ADAM15: variants seen among roughly 807,000 people sequenced by gnomAD.
ADAM15 encodes ADAM metallopeptidase domain 15, also known as disintegrin and metalloproteinase domain-containing protein 15.
ADAM15 carries 77 observed loss-of-function variants against 113.8 expected under a neutral mutation model. That is an observed-to-expected ratio of 0.68 (90% CI 0.56 to 0.82). ADAM15 has a LOEUF of 0.82. Among genes scored for constraint, ADAM15 ranks in the 40% least tolerant of loss-of-function variants. The probability of loss-of-function intolerance (pLI) is 0.00; values close to 1 mark genes in which losing one functional copy is unlikely to be tolerated. For synonymous variants in ADAM15, 388 were observed against 454.1 expected, an observed-to-expected ratio of 0.85 and a Z score of 1.85; for missense variants, 963 against 1,120.1, an observed-to-expected ratio of 0.86 and a Z score of 2.00.
chr1:155,060,074 G>A, intron 17 of ADAM15, 100 bp downstream of exon 17: 2 of 1,572,224 alleles, frequency 1.3e-6, no homozygotes, highest in East Asian at 2.2e-5. Flanking sequence ...CTTTGCTGCT[G>A]GTTCCCTGAG....
chr1:155,061,809 C>G (rs1662662947), intron 20 of ADAM15, 95 bp from the exon 21 acceptor site: 2 of 1,332,066 alleles, frequency 1.5e-6, no homozygotes, highest in African/African-American at 1.5e-5. Flanking sequence ...CCCTGGCTGA[C>G]TTTGCATGTT....
At position 155,057,563 on chromosome 1, in the gene ADAM15, G is replaced by A. The variant is rs984605164; in HGVS notation, c.1324-74G>A. 9.6e-6 allele frequency: 15 copies of A among 1,569,084 alleles called. No individual in the cohort carries two copies. Among genetic ancestry groups the A allele is most frequent in the Non-Finnish European group, 1.3e-5 (15 of 1,141,180 alleles). On this transcript the variant is annotated intron_variant, in intron 12 of 22. Transcript: ENST00000356955. The surrounding 1 kb of genome is among the most constrained non-coding windows in gnomAD (Gnocchi z 5.0). ...TGTAGCTTCTGGTCTTGGCCTGTGG[G>A]AGGAGGAGAGATTGGAGGGAGGCTC...
At chr1:155,052,871 T>C in intron 2 of ADAM15, 94 bp downstream of exon 2, 3 of 1,482,538 alleles carry the variant, frequency 2.0e-6, no homozygotes, top group Non-Finnish European at 2.7e-6. Flanking sequence ...GAGGAGCTGG[T>C]GGGTAGAGCT....
intron 2 of ADAM15, 114 bp from the exon 3 acceptor site, chr1:155,053,303 C>T: frequency 1.1e-6 from 1 of 951,044 alleles, no homozygotes; most frequent in Non-Finnish European, 1.7e-6. Flanking sequence ...CCTGGGATCC[C>T]CCCACCAGTG....
intron 18 of ADAM15, 75 bp from the exon 19 acceptor site, chr1:155,060,688 A>G: frequency 6.7e-7 from 1 of 1,496,000 alleles, no homozygotes; most frequent in South Asian, 1.1e-5. Flanking sequence ...GGTTAACCCC[A>G]CTCAGGGATG....
intron 6 of ADAM15, 45 bp from the exon 7 acceptor site, chr1:155,055,745 C>T: frequency 6.2e-7 from 1 of 1,608,954 alleles, no homozygotes. Flanking sequence ...CAGCTGCTGG[C>T]TGCGAGCGGC....
intron 18 of ADAM15, 31 bp from the exon 19 acceptor site, chr1:155,060,732 C>T (rs750975732): frequency 6.2e-7 from 1 of 1,607,288 alleles, no homozygotes; most frequent in Non-Finnish European, 8.5e-7. Flanking sequence ...GAGGCTGGGC[C>T]CTCTCCCTTC....
chr1:155,052,524 C>A (rs1423269811), intron 1 of ADAM15, 147 bp from the exon 2 acceptor site: 1 of 1,546,236 alleles, frequency 6.5e-7, no homozygotes, highest in South Asian at 1.2e-5. Flanking sequence ...CAGTATTCTT[C>A]TTTAAGTCTC....
chr1:155,051,587 C>A (rs1661024464), intron 1 of ADAM15, 122 bp downstream of exon 1: 8 of 909,940 alleles, frequency 8.8e-6, no homozygotes, highest in Admixed American at 8.5e-5. Context: ...GAGCGCGGCC[C>A]GCCCTGGTCC....
chr1:155,055,617 G>T, intron 6 of ADAM15, 173 bp from the exon 7 acceptor site: 1 of 653,992 alleles, frequency 1.5e-6, no homozygotes, highest in South Asian at 1.8e-5. Flanking sequence ...CTACTTCCTG[G>T]TCCTCCTTGG....
chr1:155,060,259 T>G lies in ADAM15; in HGVS notation c.2123T>G (p.Leu708Arg), dbSNP rs756748532. ...CTCAGCCTCCTGGTCTTATTGGTCC[T>G]GGTGATGCTTGGTGCCAGCTACTGG... ...LLLSLLVLLV[L>R]VMLGASYWYR... is the part of the protein sequence containing the mutation. Residue 708 changes from leucine to arginine, a missense_variant, in exon 18 of 23, where the codon CTG becomes CGG. Leu to Arg is a moderately radical substitution (Grantham distance 102). Transcript: ENST00000356955. The G allele has an allele frequency of 6.2e-7, 1 of 1,614,102 alleles. No individual in the cohort carries two copies. The highest frequency in any genetic ancestry group is 2.2e-5 in the East Asian group (1 of 44,886).
intron 1 of ADAM15, 48 bp from the exon 2 acceptor site, chr1:155,052,623 T>C (rs764327047): frequency 6.4e-7 from 1 of 1,562,124 alleles, no homozygotes; most frequent in Non-Finnish European, 8.7e-7. Flanking sequence ...CCCCCAGCCC[T>C]GCTGTCGATT....
chr1:155,061,378 C>A (rs763383616), intron 19 of ADAM15, 37 bp from the exon 20 acceptor site: 17 of 1,582,602 alleles, frequency 1.1e-5, no homozygotes, highest in Non-Finnish European at 1.5e-5. Flanking sequence ...GCTTCCTCTT[C>A]CCCCTCTGTG....
rs375207839 is a variant in ADAM15, at chr1:155,058,768, G to A, written c.1976G>A (p.Ser659Asn). The A allele has an allele frequency of 5.8e-4, 928 of 1,609,156 alleles. 14 individuals carry two copies. In the South Asian group the frequency reaches 9.6e-3, roughly 17 times the overall value. Residue 659 changes from serine (S) to asparagine (N), a missense_variant, in exon 16 of 23, where the codon AGC (serine) becomes AAC (asparagine). By Grantham distance (46) the Ser-to-Asn change is conservative. Coordinates refer to ENST00000356955, the MANE Select transcript of ADAM15 (RefSeq NM_207197.3). The surrounding 1 kb of genome is among the most constrained non-coding windows in gnomAD (Gnocchi z 4.3). ...VDLLGAQECR[S>N]KCHGHGVCDS... Reference sequence around the variant, plus strand: ...CTCCTGGGGGCACAGGAATGTCGAAGCAAATGCCATGGACATGGGGTGAGC... The same window carrying A: ...CTCCTGGGGGCACAGGAATGTCGAAACAAATGCCATGGACATGGGGTGAGC...
rs1396093242 is a variant in ADAM15, at chr1:155,055,938, A to G, written c.682A>G (p.Lys228Glu). ...VIVADHSEAQ[K>E]YRDFQHLLNR... The stretch of plus-strand genomic sequence containing the variant: ...CACCTCTCTTGGCCTACAGGCCCAG[A>G]AATACCGGGACTTCCAGCACCTGCT... The change falls in exon 8 of 23, where the codon AAA becomes GAA. Residue 228 changes from lysine to glutamate, a missense_variant. Lys to Glu is a moderately conservative substitution (Grantham distance 56). Coordinates refer to ENST00000356955, the MANE Select transcript of ADAM15 (RefSeq NM_207197.3). 6.2e-7 allele frequency: 1 copy of G among 1,613,996 alleles called. No individual in the cohort carries two copies. Among genetic ancestry groups the G allele is most frequent in the Non-Finnish European group, 8.5e-7 (1 of 1,180,030 alleles).
At position 155,060,453 on chromosome 1, in the gene ADAM15, C is replaced by A. The variant is rs1662418671; in HGVS notation, c.2207+110C>A. On this transcript the variant is annotated intron_variant, in intron 18 of 22. Coordinates refer to ENST00000356955, the MANE Select transcript of ADAM15 (RefSeq NM_207197.3). The stretch of plus-strand genomic sequence containing the variant: ...GGTTCTGAGCCCCAGGCCCCTTGGA[C>A]CTTAAAGTTGCTGACTGCCATACCC... 5.4e-6 allele frequency: 8 copies of A among 1,481,492 alleles called. No homozygotes were observed. In the East Asian group the frequency reaches 1.8e-4, roughly 34 times the overall value. The allele number at this position is 1,481,492 out of a possible 1,614,324, so 91.8% of individuals were successfully genotyped here.
In ADAM15 at chr1:155,052,641, T is replaced by A. The variant is rs918403895; in HGVS notation, c.80-30T>A. 7 of 1,578,280 alleles carry A rather than the reference T, an allele frequency of 4.4e-6. No homozygotes were observed. The African/African-American group carries it at 9.4e-5, about 21-fold the overall frequency. On this transcript the variant is annotated intron_variant, in intron 1 of 22. Coordinates refer to ENST00000356955, the MANE Select transcript of ADAM15 (RefSeq NM_207197.3). ...CCAGCCCTGCTGTCGATTCCCTCAG[T>A]ACTGTCTTGGGGTGTCCTGGGACCT...
chr1:155,055,585 G>A (rs1014805144), intron 6 of ADAM15: 8 of 603,038 alleles, frequency 1.3e-5, no homozygotes, highest in Admixed American at 2.9e-5. Context: ...GAAAAGCAGG[G>A]GTCTACTCCA....
intron 17 of ADAM15, 62 bp downstream of exon 17, chr1:155,060,036 C>T: frequency 6.3e-7 from 1 of 1,595,592 alleles, no homozygotes; most frequent in Non-Finnish European, 8.6e-7. Context: ...CTTTATCTTG[C>T]CCCCTCGGCC....
Sources: gnomAD v4.1 joint callset for allele counts on GRCh38, gnomAD v4.1.1 for gene constraint, Gnocchi (gnomAD v3.1) non-coding constraint, MANE v1.5 for transcripts, NCBI Gene and HGNC (gene_info 2026-07-23, HGNC 2026-07-21) for gene names.